PDE4D: variants seen among roughly 807,000 people sequenced by gnomAD.
PDE4D encodes 3',5'-cyclic-AMP phosphodiesterase 4D.
PDE4D carries 24 observed loss-of-function variants against 87.4 expected under a neutral mutation model. That is an observed-to-expected ratio of 0.27 (90% CI 0.20 to 0.39). The LOEUF (loss-of-function observed/expected upper bound fraction) is 0.39. Among genes scored for constraint, PDE4D ranks in the 10% least tolerant of loss-of-function variants. The probability of loss-of-function intolerance (pLI) is 1.00; values close to 1 mark genes in which losing one functional copy is unlikely to be tolerated. For missense variants in PDE4D, 714 were observed against 1,041.0 expected, an observed-to-expected ratio of 0.69 and a Z score of 4.32; for synonymous variants, 384 against 383.2, an observed-to-expected ratio of 1.00 and a Z score of -0.02.
At chr5:59,228,640 G>C (rs1341315972) in intron 1 of PDE4D, among the ~76,000 whole-genome samples, 1 of 152,066 alleles carries the variant, frequency 6.6e-6, no homozygotes, top group Non-Finnish European at 1.5e-5. Context: ...CAGACAGAGC[G>C]ATCCTCCTAA....
chr5:60,157,149 T>C (rs1486479332), intron 2 of PDE4D, among the ~76,000 whole-genome samples: 1 of 152,226 alleles, frequency 6.6e-6, no homozygotes, highest in Non-Finnish European at 1.5e-5. Context: ...GAGCATTGGG[T>C]ATATATCTTT....
At chr5:60,496,542 G>A (rs1032142817) in intron 1 of PDE4D, among the ~76,000 whole-genome samples, 1 of 151,952 alleles carries the variant, frequency 6.6e-6, no homozygotes, top group South Asian at 2.1e-4. Flanking sequence ...TTTGAATCTG[G>A]GCATAGGAAC....
chr5:59,612,898 T>G (rs994669631), intron 1 of PDE4D, among the ~76,000 whole-genome samples: 12 of 149,854 alleles, frequency 8.0e-5, no homozygotes, highest in Non-Finnish European at 1.6e-4. Flanking sequence ...GGAGGAGGAG[T>G]AGGAGCTGAA....
chr5:59,489,110 C>A (rs1805709749), intron 1 of PDE4D, among the ~76,000 whole-genome samples: 1 of 151,870 alleles, frequency 6.6e-6, no homozygotes, highest in African/African-American at 2.4e-5. Context: ...TATGGTGAAA[C>A]CCCATCTCTA....
At chr5:59,398,275 C>A (rs1392860180) in intron 1 of PDE4D, among the ~76,000 whole-genome samples, 1 of 116,498 alleles carries the variant, frequency 8.6e-6, no homozygotes, top group African/African-American at 3.5e-5. Flanking sequence ...GAGACACAAC[C>A]AAAAAAGAGA....
intron 6 of PDE4D, among the ~76,000 whole-genome samples, chr5:58,997,707 G>A (rs1302907732): frequency 2.0e-5 from 3 of 151,944 alleles, no homozygotes; most frequent in African/African-American, 7.3e-5. Context: ...GAATGCTTTT[G>A]AATCCTTTGT....
intron 2 of PDE4D, among the ~76,000 whole-genome samples, chr5:60,063,091 GAAAGAAGAAAGAAAGAAAGA>G (rs1256152810): frequency 6.7e-4 from 67 of 99,474 alleles, no homozygotes; most frequent in African/African-American, 2.4e-3. Context: ...AAGAAAGAAA[GAAAGAAGAAAGAAAGAAAGA>G]AAGAAAGAAA....
At chr5:59,625,315 G>A (rs1008596567) in intron 1 of PDE4D, among the ~76,000 whole-genome samples, 1 of 152,112 alleles carries the variant, frequency 6.6e-6, no homozygotes, top group Non-Finnish European at 1.5e-5. Flanking sequence ...CAAAAGAAGA[G>A]GGATTTCTAT....
chr5:59,477,780 A>G (rs1224484964), intron 1 of PDE4D, among the ~76,000 whole-genome samples: 1 of 152,096 alleles, frequency 6.6e-6, no homozygotes, highest in African/African-American at 2.4e-5. Flanking sequence ...TCACAATAGC[A>G]AAGACATGAA....
intron 6 of PDE4D, among the ~76,000 whole-genome samples, chr5:59,004,130 T>G (rs958825456): frequency 7.2e-6 from 1 of 138,532 alleles, no homozygotes; most frequent in African/African-American, 2.6e-5. Context: ...ACTCCCTACA[T>G]AGATTTAAAA....
chr5:59,994,445 G>A (rs1763329682), intron 2 of PDE4D, among the ~76,000 whole-genome samples: 1 of 152,032 alleles, frequency 6.6e-6, no homozygotes, highest in Non-Finnish European at 1.5e-5. Flanking sequence ...TTCTTGGCAT[G>A]CAGTGAGACC....
intron 3 of PDE4D, among the ~76,000 whole-genome samples, chr5:59,916,710 T>G (rs2152774901): frequency 6.6e-6 from 1 of 152,290 alleles, no homozygotes; most frequent in African/African-American, 2.4e-5. Context: ...ATTGGCAACA[T>G]TTAGTAAATA....
intron 2 of PDE4D, among the ~76,000 whole-genome samples, chr5:59,197,519 G>C (rs1745730354): frequency 1.3e-5 from 2 of 152,048 alleles, no homozygotes; most frequent in Admixed American, 6.6e-5. Context: ...AATTATCTTT[G>C]AATATATACC....
chr5:59,006,900 CAGAG>C (rs1751727725), intron 6 of PDE4D, among the ~76,000 whole-genome samples: 3 of 152,220 alleles, frequency 2.0e-5, no homozygotes, highest in Admixed American at 2.0e-4. Context: ...AACTAAGGCT[CAGAG>C]AGGTCAAGTT....
intron 1 of PDE4D, among the ~76,000 whole-genome samples, chr5:59,315,011 T>C (rs572677357): frequency 3.9e-5 from 6 of 152,142 alleles, no homozygotes; most frequent in African/African-American, 9.7e-5. Context: ...GGAAAGAGCC[T>C]GGGAACTTTA....
intron 2 of PDE4D, among the ~76,000 whole-genome samples, chr5:60,145,528 C>CAGG: frequency 6.6e-6 from 1 of 152,182 alleles, no homozygotes; most frequent in Non-Finnish European, 1.5e-5. Flanking sequence ...CTTCACAAAC[C>CAGG]TTGTTTGACC....
intron 2 of PDE4D, chr5:59,988,867 A>G (rs954997912): frequency 4.4e-6 from 2 of 454,420 alleles, no homozygotes; most frequent in Non-Finnish European, 7.7e-6. Flanking sequence ...TAACTGAACA[A>G]TATTTGATTA....
intron 2 of PDE4D, among the ~76,000 whole-genome samples, chr5:60,117,867 G>A (rs1204973333): frequency 6.6e-6 from 1 of 150,892 alleles, no homozygotes; most frequent in African/African-American, 2.4e-5. Flanking sequence ...TTGAACCTTT[G>A]ATGACTTCAT....
At chr5:59,516,875 G>A (rs1315115480) in intron 1 of PDE4D, among the ~76,000 whole-genome samples, 1 of 151,912 alleles carries the variant, frequency 6.6e-6, no homozygotes, top group Admixed American at 6.6e-5. Flanking sequence ...AACTACATGT[G>A]ATCACATATT....
Sources: allele counts gnomAD v4.1 joint callset (sites outside exome capture counted in the v4.1 genomes callset), GRCh38; gene constraint gnomAD v4.1.1; transcripts MANE v1.5; gene names NCBI Gene and HGNC (gene_info 2026-07-23, HGNC 2026-07-21).